TMPRSS11D: variants seen among roughly 807,000 people sequenced by gnomAD.
TMPRSS11D encodes transmembrane protease serine 11D.
TMPRSS11D carries 32 observed loss-of-function variants against 44.4 expected under a neutral mutation model. The ratio of observed to expected loss-of-function variants is 0.72; its 90% CI spans 0.54 to 0.97. The LOEUF is 0.97. Ranked by LOEUF, TMPRSS11D falls within the 50% of genes least tolerant of loss-of-function variation. TMPRSS11D has a pLI of 0.00. For synonymous variants in TMPRSS11D, 179 were observed against 177.9 expected, an observed-to-expected ratio of 1.01 and a Z score of -0.05; for missense variants, 446 against 502.6, an observed-to-expected ratio of 0.89 and a Z score of 1.08.
At chr4:67,879,758 G>A (rs935370087) in intron 1 of TMPRSS11D, among the ~76,000 whole-genome samples, 3 of 151,984 alleles carry the variant, frequency 2.0e-5, no homozygotes, top group Admixed American at 1.3e-4. Flanking sequence ...GGAAAAGGGA[G>A]GATAGATTAA....
At chr4:67,853,442 G>A (rs950567835) in intron 3 of TMPRSS11D, among the ~76,000 whole-genome samples, 8 of 152,158 alleles carry the variant, frequency 5.3e-5, no homozygotes, top group Non-Finnish European at 8.8e-5. Context: ...ATATTCTTAG[G>A]ACTTTTTTTT....
At chr4:67,838,476 G>A (rs984104696) in intron 4 of TMPRSS11D, 147 bp from the exon 5 acceptor site, 12 of 674,086 alleles carry the variant, frequency 1.8e-5, no homozygotes, top group East Asian at 3.1e-5. Context: ...GTTTGCATAC[G>A]TAATACTATA....
chr4:67,823,308 A>G (rs980504404), intron 9 of TMPRSS11D, among the ~76,000 whole-genome samples: 30 of 152,150 alleles, frequency 2.0e-4, no homozygotes, highest in African/African-American at 6.8e-4. Flanking sequence ...CCCAGTCATA[A>G]TAATGAACCA....
Position 67,842,502 on chromosome 4 carries a change from G to T in TMPRSS11D, c.317+56C>A, listed in dbSNP as rs148794527. ...TTTACTATTCATTCTGTGACAAAAA[G>T]TCAAGTATGCCACATTGTATCTATA... is the stretch of plus-strand genomic sequence containing the variant. On this transcript the variant is annotated intron_variant, in intron 4 of 9. Coordinates refer to ENST00000283916, the MANE Select transcript of TMPRSS11D (RefSeq NM_004262.3). 1.0e-3 allele frequency: 1,429 copies of T among 1,422,312 alleles called. 14 individuals are homozygous for T. The African/African-American group carries it at 0.017, about 17-fold the overall frequency. The allele number at this position is 1,422,312 out of a possible 1,614,324, so 88.1% of individuals were successfully genotyped here. A position where few individuals can be genotyped will look rare whatever the true frequency, so the allele number is the denominator to read the frequency against.
intron 7 of TMPRSS11D, among the ~76,000 whole-genome samples, chr4:67,828,871 G>A (rs762013448): frequency 1.1e-4 from 16 of 152,156 alleles, no homozygotes; most frequent in Non-Finnish European, 1.8e-4. Context: ...AAGGCATTTT[G>A]CTTGTTGACC....
chr4:67,868,650 G>C (rs1718982690), intron 1 of TMPRSS11D, among the ~76,000 whole-genome samples: 1 of 152,148 alleles, frequency 6.6e-6, no homozygotes, highest in African/African-American at 2.4e-5. Context: ...AAATAATCTA[G>C]AAAAATAAGT....
intron 3 of TMPRSS11D, among the ~76,000 whole-genome samples, chr4:67,845,741 A>G (rs1253411084): frequency 2.6e-5 from 4 of 152,152 alleles, no homozygotes; most frequent in African/African-American, 9.7e-5. Flanking sequence ...TGAGGTGACA[A>G]TATTATTTTT....
chr4:67,835,201 C>A, intron 5 of TMPRSS11D, 80 bp from the exon 6 acceptor site: 1 of 1,309,632 alleles, frequency 7.6e-7, no homozygotes, highest in Non-Finnish European at 1.1e-6. Flanking sequence ...GTACAGTACC[C>A]AGACAACAAG....
In TMPRSS11D at chr4:67,833,335, G is replaced by C. The variant is rs1227246916; in HGVS notation, c.561C>G (p.Ile187Met). 2 of 1,590,434 alleles carry C rather than the reference G, an allele frequency of 1.3e-6. No individual in the cohort carries two copies. The highest frequency in any genetic ancestry group is 1.7e-6 in the Non-Finnish European group (2 of 1,169,012). Residue 187 changes from isoleucine to methionine, a missense_variant, in exon 7 of 10, where the codon ATC becomes ATG. By Grantham distance (10) the Ile-to-Met change is conservative (BLOSUM62 1). Coordinates refer to ENST00000283916, the MANE Select transcript of TMPRSS11D (RefSeq NM_004262.3). ...PDLITLSEQR[I>M]LGGTEAEEGS... ...CCTCCTCAGCCTCAGTGCCTCCAAG[G>C]ATTCTCTGCTCAGACAATGTTATTA...
intron 1 of TMPRSS11D, among the ~76,000 whole-genome samples, chr4:67,865,787 A>G (rs893262132): frequency 2.0e-5 from 3 of 151,912 alleles, no homozygotes; most frequent in African/African-American, 7.2e-5. Flanking sequence ...TACAGATTAA[A>G]CCAGGCAAAA....
At chr4:67,835,592 C>T (rs973088248) in intron 5 of TMPRSS11D, among the ~76,000 whole-genome samples, 10 of 151,986 alleles carry the variant, frequency 6.6e-5, no homozygotes, top group African/African-American at 2.4e-4. Flanking sequence ...AGGACCTGCC[C>T]TCACATAATT....
At chr4:67,846,716 T>A (rs922247503) in intron 3 of TMPRSS11D, among the ~76,000 whole-genome samples, 1 of 152,192 alleles carries the variant, frequency 6.6e-6, no homozygotes, top group African/African-American at 2.4e-5. Context: ...GTGTACAAAA[T>A]CTATTAAACA....
intron 1 of TMPRSS11D, among the ~76,000 whole-genome samples, chr4:67,864,579 T>C (rs1718872895): frequency 2.0e-5 from 3 of 151,326 alleles, no homozygotes; most frequent in Admixed American, 2.0e-4. Context: ...AGAAAAGAAA[T>C]AAAATGGCTG....
chr4:67,838,158 A>C lies in TMPRSS11D; in HGVS notation c.475+14T>G. The C allele has an allele frequency of 1.3e-6, 2 of 1,485,966 alleles. No individual in the cohort carries two copies. The highest frequency in any genetic ancestry group is 1.8e-6 in the Non-Finnish European group (2 of 1,117,660). The allele number at this position is 1,485,966 out of a possible 1,614,324, so 92.0% of individuals were successfully genotyped here. The stretch of plus-strand genomic sequence containing the variant: ...TATATTGAAATAAAATTGTTTATGA[A>C]AAATTATACTTACATGTTATCTCAG... On this transcript the variant is annotated intron_variant, in intron 5 of 9. Transcript: ENST00000283916.
At chr4:67,872,219 G>A (rs1415241313) in intron 1 of TMPRSS11D, among the ~76,000 whole-genome samples, 1 of 152,032 alleles carries the variant, frequency 6.6e-6, no homozygotes, top group Non-Finnish European at 1.5e-5. Flanking sequence ...CCCCCAAAAT[G>A]GCCAAAATAA....
intron 1 of TMPRSS11D, among the ~76,000 whole-genome samples, chr4:67,861,530 G>A (rs558524902): frequency 1.3e-4 from 20 of 152,168 alleles, no homozygotes; most frequent in African/African-American, 4.3e-4. Flanking sequence ...TTCCAGAGAT[G>A]AGCTGATATG....
intron 1 of TMPRSS11D, among the ~76,000 whole-genome samples, chr4:67,880,684 T>C (rs1719300805): frequency 6.6e-6 from 1 of 152,006 alleles, no homozygotes; most frequent in Admixed American, 6.6e-5. Flanking sequence ...CCAGCTGGAG[T>C]GCAGTGGCAT....
intron 5 of TMPRSS11D, among the ~76,000 whole-genome samples, chr4:67,835,697 A>C (rs770395050): frequency 5.9e-5 from 9 of 152,174 alleles, no homozygotes; most frequent in Admixed American, 2.0e-4. Context: ...TGGAGGAGAT[A>C]ATATTTGAGC....
chr4:67,827,553 G>T, intron 7 of TMPRSS11D, 33 bp from the exon 8 acceptor site: 1 of 1,543,486 alleles, frequency 6.5e-7, no homozygotes, highest in Non-Finnish European at 8.7e-7. Context: ...TATATGAGTA[G>T]GGAATTTGTG....
Sources: gnomAD v4.1 joint callset for allele counts (sites outside exome capture counted in the v4.1 genomes callset) on GRCh38, gnomAD v4.1.1 for gene constraint, MANE v1.5 for transcripts, NCBI Gene and HGNC (gene_info 2026-07-23, HGNC 2026-07-21) for gene names.